SBNO1: variants seen among roughly 807,000 people sequenced by gnomAD.
SBNO1 encodes protein strawberry notch homolog 1.
A neutral mutation model predicts 173.6 loss-of-function variants in SBNO1; 23 were observed. The observed-to-expected ratio is 0.13, with a 90% CI of 0.10 to 0.19. The LOEUF is 0.19. Among genes scored for constraint, SBNO1 ranks in the 10% least tolerant of loss-of-function variants. SBNO1 has a pLI of 1.00. For missense variants in SBNO1, 1,238 were observed against 1,671.2 expected (o/e 0.74, Z 4.52); for synonymous variants, 632 against 571.5 (o/e 1.11, Z -1.51).
Position 123,298,106 on chromosome 12 carries a change from T to C in SBNO1, c.3911A>G (p.Tyr1304Cys). 6.2e-7 allele frequency: 1 copy of C among 1,611,814 alleles called. No homozygotes were observed. Among genetic ancestry groups the C allele is most frequent in the Non-Finnish European group, 8.5e-7 (1 of 1,179,480 alleles). The change falls in exon 31 of 32, where the codon TAT (tyrosine) becomes TGT (cysteine). Residue 1304 changes from tyrosine (Y) to cysteine (C), a missense_variant. Tyr to Cys is a radical substitution (Grantham distance 194). Around this residue, in one of 14 missense-constraint regions of SBNO1, gnomAD observed 351 missense variants for 420.3 expected, o/e 0.84. Transcript: ENST00000602398. ...CAGCACTGAACCACATAATACATAA[T>C]ATGTACGGCAACGAAGACCTATTTC... ...VCEIGLRCRT[Y>C]YVLCGSVLSV...
Position 123,326,181 on chromosome 12 carries a change from G to C in SBNO1, c.1846C>G (p.Leu616Val), listed in dbSNP as rs1300327840. The C allele has an allele frequency of 1.2e-6, 2 of 1,608,912 alleles. No homozygotes were observed. Among genetic ancestry groups the C allele is most frequent in the East Asian group, 2.2e-5 (1 of 44,794 alleles). Residue 616 changes from leucine to valine, a missense_variant, in exon 14 of 32, where the codon CTA becomes GTA. Physicochemically the swap from Leu to Val is conservative, Grantham distance 32 (BLOSUM62 1). This residue lies in a region of SBNO1 where 182 missense variants were observed against 339.9 expected (regional missense o/e 0.54). Transcript: ENST00000602398. ...IASKVKRVVQLAREEIKNGKC... is the reference protein window; with the variant it reads ...IASKVKRVVQVAREEIKNGKC... Reference sequence around the variant, plus strand: ...CCATTCTTGATTTCCTCTCGAGCTAGTTGCACAACCCTTTTAACTTTGGAT... The same window carrying C: ...CCATTCTTGATTTCCTCTCGAGCTACTTGCACAACCCTTTTAACTTTGGAT...
chr12:123,347,949 G>GA, intron 3 of SBNO1, 80 bp downstream of exon 3: 1 of 814,910 alleles, frequency 1.2e-6, no homozygotes, highest in South Asian at 1.6e-5. Context: ...CTACAGGTGC[G>GA]AATCACCACA....
intron 24 of SBNO1, among the ~76,000 whole-genome samples, chr12:123,312,298 T>C (rs1472358929): frequency 6.6e-6 from 1 of 152,154 alleles, no homozygotes; most frequent in African/African-American, 2.4e-5. Flanking sequence ...GGGTTAAGAC[T>C]TTACTGCTTT....
Position 123,309,758 on chromosome 12 carries a change from C to T in SBNO1, c.3394G>A (p.Val1132Ile). The change falls in exon 26 of 32, where the codon GTT becomes ATT. Residue 1132 changes from valine (V) to isoleucine (I), a missense_variant. Transcript: ENST00000602398. ...CCATTTTTTTTGGCATTTTGAACAA[C>T]TGCAGTAAGTGTGTCCGCAAAATAC... ...FQYFADTLTA[V>I]VQNAKKNGRY... 6.2e-7 allele frequency: 1 copy of T among 1,612,948 alleles called. No individual in the cohort carries two copies. The highest frequency in any genetic ancestry group is 8.5e-7 in the Non-Finnish European group (1 of 1,179,688).
At position 123,304,437 on chromosome 12, in the gene SBNO1, T is replaced by C. The variant is rs537386531; in HGVS notation, c.3768+145A>G. On this transcript the variant is annotated intron_variant, in intron 29 of 31. Coordinates refer to ENST00000602398, the MANE Select transcript of SBNO1 (RefSeq NM_001167856.3). ...TTTTAGTAGAGACGGGGTTTCTCCA[T>C]GTTGGTCAGGCTGGTCTCGAACTCC... The C allele has an allele frequency of 1.1e-4, 62 of 587,962 alleles. 2 individuals carry two copies. In the South Asian group the frequency reaches 1.2e-3, roughly 11 times the overall value. The allele number at this position is 587,962 out of a possible 1,614,324, so 36.4% of individuals were successfully genotyped here.
intron 24 of SBNO1, among the ~76,000 whole-genome samples, chr12:123,311,743 TATATA>T (rs1264621229): frequency 2.7e-5 from 4 of 146,084 alleles, no homozygotes; most frequent in Admixed American, 6.9e-5. Flanking sequence ...TATATATATA[TATATA>T]TTTTTGCGAC....
chr12:123,327,714 C>A lies in SBNO1; in HGVS notation c.1531G>T (p.Glu511Ter). The change falls in exon 12 of 32, where the codon GAA (glutamate) becomes TAA (stop). Residue 511 changes from glutamate to a stop codon, truncating the protein, a stop_gained. Coordinates refer to ENST00000602398, the MANE Select transcript of SBNO1 (RefSeq NM_001167856.3). LOFTEE classifies it high-confidence loss of function. ...REFSDFIQAV[E>*]RRGVGAMEIV... The stretch of plus-strand genomic sequence containing the variant: ...TACCGTAAACTGCATTACCTCCGTT[C>A]TACTGCTTGAATAAAATCACTGAAT... The A allele has an allele frequency of 6.2e-7, 1 of 1,611,966 alleles. No individual in the cohort carries two copies. The highest frequency in any genetic ancestry group is 1.1e-5 in the South Asian group (1 of 91,016).
chr12:123,298,889 A>G (rs2048689898), intron 30 of SBNO1, among the ~76,000 whole-genome samples: 1 of 152,138 alleles, frequency 6.6e-6, no homozygotes, highest in African/African-American at 2.4e-5. Context: ...CAGGAGTTTG[A>G]GACCAGCCTG....
chr12:123,297,393 T>A (rs1320299011), intron 31 of SBNO1, among the ~76,000 whole-genome samples: 1 of 16,558 alleles, frequency 6.0e-5, no homozygotes, highest in African/African-American at 1.3e-4. Flanking sequence ...CCCAAAATAC[T>A]GGTGTCCAAA....
rs1449998627 is a variant in SBNO1, at chr12:123,292,770, T to C, written c.*3138A>G. Reference sequence around the variant, plus strand: ...AGGTTCTTACTAATTTATATACACATGTAAAGAGAAGATACTGAAGTGTCT... The same window carrying C: ...AGGTTCTTACTAATTTATATACACACGTAAAGAGAAGATACTGAAGTGTCT... On this transcript the variant is annotated 3_prime_UTR_variant, in exon 32 of 32. Coordinates refer to ENST00000602398, the MANE Select transcript of SBNO1 (RefSeq NM_001167856.3). 1 of 152,212 alleles carries C rather than the reference T, an allele frequency of 6.6e-6. No individual in the cohort carries two copies. The highest frequency in any genetic ancestry group is 1.5e-5 in the Non-Finnish European group (1 of 68,042). 9.4% of individuals were successfully genotyped at this position (152,212 alleles called of 1,614,324 possible). A position where few individuals can be genotyped will look rare whatever the true frequency, so the allele number is the denominator to read the frequency against.
rs573946784 is a variant in SBNO1, at chr12:123,296,443, T to C, written c.4040-393A>G. ...AAACAGGTTAACTTAGAAGAGCAGA[T>C]ACTAGCAAACTGGAAAGGATACTCT... On this transcript the variant is annotated intron_variant, in intron 31 of 31. Coordinates refer to ENST00000602398, the MANE Select transcript of SBNO1 (RefSeq NM_001167856.3). Among the ~76,000 whole-genome samples the C allele has an allele frequency of 5.5e-4, 77 of 138,992 alleles. No individual in the cohort carries two copies. The South Asian group carries it at 0.011, about 19-fold the overall frequency. The allele number at this position is 138,992 out of a possible 152,430, so 91.2% of individuals were successfully genotyped here. A position where few individuals can be genotyped will look rare whatever the true frequency, so the allele number is the denominator to read the frequency against.
intron 5 of SBNO1, among the ~76,000 whole-genome samples, chr12:123,339,256 C>G (rs1006609496): frequency 6.6e-6 from 1 of 152,032 alleles, no homozygotes. Context: ...TCGTTATGTA[C>G]AGTCATCTCT....
At chr12:123,344,396 A>G (rs950008244) in intron 4 of SBNO1, among the ~76,000 whole-genome samples, 1 of 152,188 alleles carries the variant, frequency 6.6e-6, no homozygotes, top group Non-Finnish European at 1.5e-5. Flanking sequence ...AAAGACAAAA[A>G]ACTACAGCCA....
intron 1 of SBNO1, among the ~76,000 whole-genome samples, chr12:123,353,330 G>A (rs757115392): frequency 7.9e-5 from 12 of 152,228 alleles, no homozygotes; most frequent in African/African-American, 9.6e-5. Flanking sequence ...GTTCACTCAC[G>A]CAGGAAGTGG....
chr12:123,352,671 C>T (rs867859396), intron 1 of SBNO1, among the ~76,000 whole-genome samples: 3 of 152,178 alleles, frequency 2.0e-5, no homozygotes, highest in African/African-American at 7.2e-5. Context: ...GTCTATGTCA[C>T]CTACGTTTGT....
At chr12:123,331,517 C>A in intron 7 of SBNO1, 142 bp from the exon 8 acceptor site, 1 of 832,952 alleles carries the variant, frequency 1.2e-6, no homozygotes. Flanking sequence ...ACATAAATTT[C>A]ATAGAGTTTT....
intron 31 of SBNO1, 114 bp from the exon 32 acceptor site, chr12:123,296,164 C>A: frequency 1.1e-5 from 7 of 630,776 alleles, no homozygotes; most frequent in Non-Finnish European, 2.8e-6. Context: ...AAGAAGTTCA[C>A]ACAAAAATTA....
chr12:123,313,854 C>T (rs970858285), intron 23 of SBNO1, 135 bp from the exon 24 acceptor site: 50 of 523,664 alleles, frequency 9.5e-5, no homozygotes, highest in South Asian at 2.1e-4. Context: ...TTTGGGAGGT[C>T]GAGGTGGGTG....
rs7309967 is a variant in SBNO1, at chr12:123,338,925, T to A, written c.651+2063A>T. 7.2e-4 allele frequency among the ~76,000 whole-genome samples: 22 copies of A among 30,400 alleles called. 1 individual carries two copies. Among genetic ancestry groups the A allele is most frequent in the South Asian group, 7.5e-3 (1 of 134 alleles). 19.9% of individuals were successfully genotyped at this position (30,400 alleles called of 152,430 possible). On this transcript the variant is annotated intron_variant, in intron 5 of 31. Coordinates refer to ENST00000602398, the MANE Select transcript of SBNO1 (RefSeq NM_001167856.3). ...ACACACACACACGCCCCCCCCCCCC[T>A]CCCCGACTAGTTTGGTTGATGGGCT...
Sources: allele counts gnomAD v4.1 joint callset (sites outside exome capture counted in the v4.1 genomes callset), GRCh38; gene constraint gnomAD v4.1.1; regional missense constraint gnomAD v4.1.1; transcripts MANE v1.5; gene names NCBI Gene and HGNC (gene_info 2026-07-23, HGNC 2026-07-21).